Variants in EIF2D observed in about 807,000 individuals in gnomAD.
EIF2D encodes the protein hepatocellular carcinoma-associated antigen 56.
EIF2D carries 56 observed loss-of-function variants against 77.4 expected under a neutral mutation model. The observed-to-expected ratio is 0.72, with a 90% CI of 0.58 to 0.90. EIF2D has a LOEUF of 0.90. Among genes scored for constraint, EIF2D ranks in the 40% least tolerant of loss-of-function variants. The pLI, the probability that EIF2D is intolerant of heterozygous loss-of-function variation, is 0.00. For missense variants in EIF2D, 574 were observed against 706.5 expected (o/e 0.81, Z 2.13); for synonymous variants, 230 against 271.0 (o/e 0.85, Z 1.49).
rs1558521610 is a variant in EIF2D, at chr1:206,579,957, A to G, written c.*254+735T>C. On this transcript the variant is annotated intron_variant and NMD_transcript_variant, in intron 4 of 5. Coordinates refer to the EIF2D transcript ENST00000472709. The surrounding 1 kb of genome is among the most constrained non-coding windows in gnomAD (Gnocchi z 4.2). ...AGCCATCCCAGACCTGGGTGCTGGC[A>G]TTCCATGGCTGTGACATTCGTAGTG... is the stretch of plus-strand genomic sequence containing the variant. 6.6e-6 allele frequency among the ~76,000 whole-genome samples: 1 copy of G among 152,214 alleles called. No homozygotes were observed. The highest frequency in any genetic ancestry group is 1.5e-5 in the Non-Finnish European group (1 of 68,034).
At position 206,599,107 on chromosome 1, in the gene EIF2D, G is replaced by A. The variant is rs372929265; in HGVS notation, c.1203-15C>T. ...AGCTCCCCTTCCTAGGTGAGGAGAA[G>A]TGACCCAGGGGTTAGTTCATGCTGT... On this transcript the variant is annotated splice_polypyrimidine_tract_variant and intron_variant, in intron 10 of 14. Coordinates refer to ENST00000271764, the MANE Select transcript of EIF2D (RefSeq NM_006893.3). The surrounding 1 kb of genome is among the most constrained non-coding windows in gnomAD (Gnocchi z 4.1). 9.3e-5 allele frequency: 150 copies of A among 1,612,878 alleles called. No homozygotes were observed. Among genetic ancestry groups the A allele is most frequent in the Non-Finnish European group, 1.2e-4 (147 of 1,179,032 alleles).
chr1:206,602,589 A>G, intron 6 of EIF2D, 136 bp from the exon 7 acceptor site: 1 of 784,240 alleles, frequency 1.3e-6, no homozygotes, highest in Non-Finnish European at 2.1e-6. Context: ...CAAAGCTCCC[A>G]GCCTCTCTTG....
chr1:206,606,632 C>T (rs1229139032), intron 4 of EIF2D, among the ~76,000 whole-genome samples: 5 of 152,184 alleles, frequency 3.3e-5, no homozygotes, highest in Non-Finnish European at 7.3e-5. Flanking sequence ...TTTCTAGGTG[C>T]TTGGTTCCAA....
chr1:206,598,657 A>G (rs1246275303), intron 11 of EIF2D, among the ~76,000 whole-genome samples: 1 of 152,204 alleles, frequency 6.6e-6, no homozygotes, highest in Non-Finnish European at 1.5e-5. Context: ...ATAAATATGT[A>G]CAAATATCTA....
chr1:206,583,201 G>A, intron 2 of EIF2D: 2 of 1,003,150 alleles, frequency 2.0e-6, no homozygotes, highest in East Asian at 2.4e-5. Context: ...TTTGGGGAGG[G>A]CGTGGTTGTT....
At chr1:206,598,622 C>T (rs902113585) in intron 11 of EIF2D, among the ~76,000 whole-genome samples, 4 of 104,914 alleles carry the variant, frequency 3.8e-5, no homozygotes, top group Admixed American at 3.8e-4. Context: ...ACACTCTGTG[C>T]ATGTAACAAA....
At chr1:206,585,320 C>T (rs782024646) in intron 2 of EIF2D, 23 of 1,592,816 alleles carry the variant, frequency 1.4e-5, no homozygotes, top group Non-Finnish European at 2.0e-5. Context: ...ATTGTGCAAA[C>T]CCAGGCCTTA....
chr1:206,591,507 A>C (rs1204845619), downstream of EIF2D: 1 of 496,994 alleles, frequency 2.0e-6, no homozygotes, highest in African/African-American at 1.9e-5. Context: ...CCTGGAAAGC[A>C]GGGAAGGAAT....
intron 11 of EIF2D, 82 bp from the exon 12 acceptor site, chr1:206,597,277 A>T (rs1248235879): frequency 9.7e-7 from 1 of 1,033,296 alleles, no homozygotes; most frequent in Non-Finnish European, 1.5e-6. Flanking sequence ...CATCTCTCGT[A>T]CGGCCTTTAT....
chr1:206,573,607 C>A (rs1366852604), intron 4 of EIF2D, among the ~76,000 whole-genome samples: 1 of 152,212 alleles, frequency 6.6e-6, no homozygotes, highest in Non-Finnish European at 1.5e-5. Context: ...CTATTTGCCT[C>A]ATGTTCAGAG....
intron 4 of EIF2D, among the ~76,000 whole-genome samples, chr1:206,580,538 G>A (rs186222737): frequency 6.6e-6 from 1 of 152,296 alleles, no homozygotes; most frequent in East Asian, 1.9e-4. Flanking sequence ...CCATAGACAT[G>A]TGCTCAGCTG....
chr1:206,588,287 A>T (rs1669210332), downstream of EIF2D: 1 of 152,636 alleles, frequency 6.6e-6, no homozygotes, highest in African/African-American at 2.4e-5. Context: ...CCTCCCTCCC[A>T]TCTGGGTGCC....
chr1:206,598,484 C>T (rs1553410612), intron 11 of EIF2D, among the ~76,000 whole-genome samples: 1 of 152,158 alleles, frequency 6.6e-6, no homozygotes, highest in East Asian at 1.9e-4. Flanking sequence ...AGTAAGGTGA[C>T]TGTAGTTAAC....
Position 206,599,177 on chromosome 1 carries a change from G to A in EIF2D, c.1203-85C>T. On this transcript the variant is annotated intron_variant, in intron 10 of 14. Transcript: ENST00000271764. This position sits in a 1 kb window ranked among gnomAD's most constrained non-coding sequence, Gnocchi z 4.1. ...GATGCCCAGACTCACTCCCTGCTGA[G>A]CAGGGAACTTTCCTTAGCTTTCGGC... 1 of 1,328,662 alleles carries A rather than the reference G, an allele frequency of 7.5e-7. No individual in the cohort carries two copies. The highest frequency in any genetic ancestry group is 1.1e-6 in the Non-Finnish European group (1 of 939,450). 82.3% of individuals were successfully genotyped at this position (1,328,662 alleles called of 1,614,324 possible).
At chr1:206,608,768 T>C (rs1670322192) in intron 3 of EIF2D, among the ~76,000 whole-genome samples, 2 of 152,232 alleles carry the variant, frequency 1.3e-5, no homozygotes, top group Admixed American at 1.3e-4. Context: ...AGAGCTACTC[T>C]TAGCCAGGTG....
rs1210535174 is a variant in EIF2D, at chr1:206,592,931, A to C, written c.1684+688T>G. Among the ~76,000 whole-genome samples the C allele has an allele frequency of 6.6e-6, 1 of 152,076 alleles. No homozygotes were observed. Among genetic ancestry groups the C allele is most frequent in the African/African-American group, 2.4e-5 (1 of 41,404 alleles). ...GGCTTGGTCAACATAGTGAAACCCC[A>C]TATCTACTAAAAATACAAAAATTAG... On this transcript the variant is annotated intron_variant, in intron 14 of 14. Coordinates refer to ENST00000271764, the MANE Select transcript of EIF2D (RefSeq NM_006893.3). The surrounding 1 kb of genome is among the most constrained non-coding windows in gnomAD (Gnocchi z 4.7).
At chr1:206,583,659 G>A (rs1332832726) in intron 2 of EIF2D, 6 of 401,450 alleles carry the variant, frequency 1.5e-5, no homozygotes, top group South Asian at 6.6e-5. Flanking sequence ...GTGATTAAAC[G>A]GTACGTAATG....
rs1212013396 is a variant in EIF2D, at chr1:206,592,262, AG to A, written c.1685-418del. ...CCAGGCCCTGAGGATGAAAAAGGCA[AG>A]GTTTCTGGCTCATGCAGCTCAGTCT... is the stretch of plus-strand genomic sequence containing the variant. On this transcript the variant is annotated intron_variant, in intron 14 of 14. Transcript: ENST00000271764. This position sits in a 1 kb window ranked among gnomAD's most constrained non-coding sequence, Gnocchi z 4.7. 6.6e-6 allele frequency among the ~76,000 whole-genome samples: 1 copy of A among 152,252 alleles called. No individual in the cohort carries two copies. Among genetic ancestry groups the A allele is most frequent in the African/African-American group, 2.4e-5 (1 of 41,472 alleles).
At chr1:206,583,677 G>A (rs1668985124) in intron 2 of EIF2D, 1 of 359,352 alleles carries the variant, frequency 2.8e-6, no homozygotes, top group African/African-American at 2.1e-5. Context: ...ATGACCAAGG[G>A]CCCAGTATTG....
Sources: allele counts gnomAD v4.1 joint callset (sites outside exome capture counted in the v4.1 genomes callset), GRCh38; gene constraint gnomAD v4.1.1; non-coding constraint Gnocchi (gnomAD v3.1); transcripts MANE v1.5; gene names NCBI Gene and HGNC (gene_info 2026-07-23, HGNC 2026-07-21).